The following COL6A5 variants were observed in gnomAD, a reference collection of about 807,000 sequenced individuals.
COL6A5 encodes collagen type VI alpha 5 chain.
A neutral mutation model predicts 65.6 loss-of-function variants in COL6A5; 48 were observed. That is an observed-to-expected ratio of 0.73 (90% CI 0.58 to 0.93). COL6A5 has a LOEUF of 0.93. Among genes scored for constraint, COL6A5 ranks in the 40% least tolerant of loss-of-function variants. The pLI, the probability that COL6A5 is intolerant of heterozygous loss-of-function variation, is 0.00. For missense variants in COL6A5, 914 were observed against 928.3 expected (o/e 0.98, Z 0.20); for synonymous variants, 291 against 322.8 (o/e 0.90, Z 1.05).
chr3:130,379,982 A>G lies in COL6A5; in HGVS notation c.1232A>G (p.Lys411Arg), dbSNP rs1048375006. The change falls in exon 4 of 42, where the codon AAA becomes AGA. Residue 411 changes from lysine to arginine, a missense_variant and NMD_transcript_variant. Physicochemically the swap from Lys to Arg is conservative, Grantham distance 26. Coordinates refer to the COL6A5 transcript ENST00000312481. ...GAAACTTACAGTACAAAGTTCCTGA[A>G]AAAGCTCCAGAATGAAATATGGTCC... The G allele has an allele frequency of 2.6e-6, 4 of 1,551,000 alleles. No homozygotes were observed. The African/African-American group carries it at 4.1e-5, about 16-fold the overall frequency.
At chr3:130,366,436 T>G (rs1163918255) in intron 1 of COL6A5, among the ~76,000 whole-genome samples, 1 of 152,156 alleles carries the variant, frequency 6.6e-6, no homozygotes, top group Non-Finnish European at 1.5e-5. Context: ...TTTTATGCCT[T>G]TCGTTGAGCC....
chr3:130,474,432 C>G (rs1339098818), intron 7 of COL6A5, among the ~76,000 whole-genome samples: 1 of 151,946 alleles, frequency 6.6e-6, no homozygotes, highest in African/African-American at 2.4e-5. Context: ...TACAGAGAAC[C>G]AGGAGATGTG....
chr3:130,451,129 G>A (rs1709420899), intron 4 of COL6A5, among the ~76,000 whole-genome samples: 1 of 152,142 alleles, frequency 6.6e-6, no homozygotes, highest in East Asian at 1.9e-4. Context: ...GTTTTAAAAA[G>A]GTAAGATTAA....
intron 8 of COL6A5, among the ~76,000 whole-genome samples, chr3:130,395,712 C>T (rs1468548489): frequency 1.3e-5 from 2 of 152,198 alleles, no homozygotes; most frequent in East Asian, 1.9e-4. Flanking sequence ...CTCTGGTCAG[C>T]CCTGTTCCCT....
chr3:130,373,189 G>C (rs758198384), intron 1 of COL6A5, among the ~76,000 whole-genome samples: 1 of 152,158 alleles, frequency 6.6e-6, no homozygotes, highest in African/African-American at 2.4e-5. Flanking sequence ...TAAATTTTGC[G>C]AGGACAGTAA....
chr3:130,394,554 C>T (rs1459175711), intron 7 of COL6A5, among the ~76,000 whole-genome samples: 1 of 152,116 alleles, frequency 6.6e-6, no homozygotes, highest in Non-Finnish European at 1.5e-5. Context: ...ATGTCCCAAT[C>T]GTGGTGTTTT....
intron 13 of COL6A5, among the ~76,000 whole-genome samples, chr3:130,405,212 C>G (rs1936945652): frequency 1.3e-5 from 2 of 152,174 alleles, no homozygotes; most frequent in Admixed American, 1.3e-4. Flanking sequence ...ACTTGTGGGT[C>G]TACTGTCAGC....
At chr3:130,364,214 T>G (rs1465617912) in intron 1 of COL6A5, among the ~76,000 whole-genome samples, 2 of 152,104 alleles carry the variant, frequency 1.3e-5, no homozygotes, top group Non-Finnish European at 2.9e-5. Flanking sequence ...GAAAAATAAT[T>G]TCTAATTTAA....
At chr3:130,391,014 CT>C (rs999088432) in intron 6 of COL6A5, among the ~76,000 whole-genome samples, 164 bp from the exon 7 acceptor site, 6 of 151,876 alleles carry the variant, frequency 4.0e-5, no homozygotes, top group African/African-American at 7.2e-5. Flanking sequence ...TGAGCCTTGA[CT>C]TTTTTTTTCT....
chr3:130,420,888 G>A lies in COL6A5; in HGVS notation c.4951-265G>A, dbSNP rs751702965. ...CTCCTAATTTTCTAGGGAAGAAACT[G>A]CCACTGACTCCACAAGTCCTGAATG... On this transcript the variant is annotated intron_variant and NMD_transcript_variant, in intron 25 of 41. Transcript: ENST00000312481. 3.3e-5 allele frequency among the ~76,000 whole-genome samples: 5 copies of A among 152,130 alleles called. No individual in the cohort carries two copies. The South Asian group carries it at 1.0e-3, about 32-fold the overall frequency.
At chr3:130,478,952 A>C (rs553557345) in intron 7 of COL6A5, among the ~76,000 whole-genome samples, 1 of 152,142 alleles carries the variant, frequency 6.6e-6, no homozygotes, top group Non-Finnish European at 1.5e-5. Flanking sequence ...TTTCCCAACT[A>C]TTGTGAAAGG....
intron 7 of COL6A5, among the ~76,000 whole-genome samples, chr3:130,476,103 TG>T (rs1022793045): frequency 1.5e-4 from 23 of 152,034 alleles, no homozygotes; most frequent in Admixed American, 9.8e-4. Flanking sequence ...TAAATAACAT[TG>T]ATTTATTTTC....
At chr3:130,406,612 A>G (rs758657287) in intron 17 of COL6A5, among the ~76,000 whole-genome samples, 11 of 151,280 alleles carry the variant, frequency 7.3e-5, no homozygotes, top group Non-Finnish European at 1.5e-4. Context: ...TCTTTTGTTC[A>G]TTTGTTTTTT....
rs201027714 is a variant in COL6A5, at chr3:130,435,879, A to C, written c.488-3643A>C. Among the ~76,000 whole-genome samples, 10 of 39,454 alleles carry C rather than the reference A, an allele frequency of 2.5e-4. No homozygotes were observed. The East Asian group carries it at 6.6e-3, about 26-fold the overall frequency. The allele number at this position is 39,454 out of a possible 152,430, so 25.9% of individuals were successfully genotyped here. On this transcript the variant is annotated intron_variant, in intron 1 of 7. Transcript: ENST00000512836. ...CTAAATATACAATGATGTTGTCTGC[A>C]AACAGACAACTTGACTTCCTCTCTT...
At chr3:130,433,911 T>C (rs1211206101) in intron 1 of COL6A5, among the ~76,000 whole-genome samples, 1 of 152,108 alleles carries the variant, frequency 6.6e-6, no homozygotes, top group Non-Finnish European at 1.5e-5. Context: ...ATTATTTCTT[T>C]TGGCAAGTCT....
At chr3:130,484,165 C>A in exon 8 of COL6A5, 1 of 1,030,786 alleles carries the variant, frequency 9.7e-7, no homozygotes, top group Non-Finnish European at 1.3e-6. Context: ...GGACTTTTCA[C>A]AAAAACAATT....
chr3:130,462,303 T>C (rs1709720227), intron 5 of COL6A5, among the ~76,000 whole-genome samples: 1 of 152,076 alleles, frequency 6.6e-6, no homozygotes, highest in African/African-American at 2.4e-5. Flanking sequence ...AATGATTGCC[T>C]ACTCCTTGAA....
At chr3:130,378,661 C>T (rs1399152310) in intron 3 of COL6A5, among the ~76,000 whole-genome samples, 1 of 152,136 alleles carries the variant, frequency 6.6e-6, no homozygotes, top group Non-Finnish European at 1.5e-5. Flanking sequence ...CTCTGGACTT[C>T]TTGCTTGTTC....
intron 1 of COL6A5, among the ~76,000 whole-genome samples, chr3:130,363,614 T>C (rs1935219793): frequency 6.6e-6 from 1 of 152,244 alleles, no homozygotes; most frequent in Non-Finnish European, 1.5e-5. Flanking sequence ...AGAAGAACAG[T>C]GTGCTGTGGT....
Sources: gnomAD v4.1 joint callset for allele counts (sites outside exome capture counted in the v4.1 genomes callset) on GRCh38, gnomAD v4.1.1 for gene constraint, MANE v1.5 for transcripts, NCBI Gene and HGNC (gene_info 2026-07-23, HGNC 2026-07-21) for gene names.